The following NEDD4L variants were observed in gnomAD, a reference collection of about 807,000 sequenced individuals.
NEDD4L encodes the protein NEDD4 like E3 ubiquitin protein ligase.
A neutral mutation model predicts 148.9 loss-of-function variants in NEDD4L; 54 were observed. That is an observed-to-expected ratio of 0.36 (90% CI 0.29 to 0.45). The LOEUF (loss-of-function observed/expected upper bound fraction) is 0.45, where lower values mean the gene tolerates loss of function less well. Ranked by LOEUF, NEDD4L falls within the 20% of genes least tolerant of loss-of-function variation. The probability of loss-of-function intolerance (pLI) is 1.00; values close to 1 mark genes in which losing one functional copy is unlikely to be tolerated. For synonymous variants in NEDD4L, 433 were observed against 440.7 expected (o/e 0.98, Z 0.22); for missense variants, 856 against 1,233.8 (o/e 0.69, Z 4.59).
chr18:58,139,473 A>AGG (rs1218384393), intron 1 of NEDD4L, among the ~76,000 whole-genome samples: 49 of 152,312 alleles, frequency 3.2e-4, no homozygotes, highest in African/African-American at 1.0e-3. Flanking sequence ...GAATGTTGAT[A>AGG]ATCCTATCAA....
intron 5 of NEDD4L, among the ~76,000 whole-genome samples, chr18:58,290,305 T>C (rs2054539184): frequency 6.6e-6 from 1 of 152,260 alleles, no homozygotes; most frequent in African/African-American, 2.4e-5. Context: ...AAGTGCAACA[T>C]GTTTGTTGTA....
chr18:58,125,926 G>A (rs1005499658), intron 1 of NEDD4L, among the ~76,000 whole-genome samples: 1 of 152,230 alleles, frequency 6.6e-6, no homozygotes, highest in African/African-American at 2.4e-5. Flanking sequence ...CATGGACAGG[G>A]CAGGTCCCGC....
In NEDD4L at chr18:58,183,584, T is replaced by G. The variant is rs187886361; in HGVS notation, c.122+17723T>G. On this transcript the variant is annotated intron_variant, in intron 2 of 30. Coordinates refer to ENST00000400345, the MANE Select transcript of NEDD4L (RefSeq NM_001144967.3). The stretch of plus-strand genomic sequence containing the variant: ...CCTGCAGCACCCCCCTCCTTGGAGA[T>G]AGCTTTTCATGTTGCATCTTACCGA... Among the ~76,000 whole-genome samples, 10 of 152,296 alleles carry G rather than the reference T, an allele frequency of 6.6e-5. No homozygotes were observed. The East Asian group carries it at 1.9e-3, about 30-fold the overall frequency.
Position 58,365,960 on chromosome 18 carries a change from T to C in NEDD4L, c.1834-39T>C, listed in dbSNP as rs201939995. On this transcript the variant is annotated intron_variant, in intron 20 of 30. Coordinates refer to ENST00000400345, the MANE Select transcript of NEDD4L (RefSeq NM_001144967.3). ...TTTATTAGAAAACAAAGTGTGTATT[T>C]ACTGTATGATTATGTGTTTTCTTTT... 9 of 1,397,910 alleles carry C rather than the reference T, an allele frequency of 6.4e-6. No homozygotes were observed. In the Admixed American group the frequency reaches 1.9e-4, roughly 29 times the overall value. The allele number at this position is 1,397,910 out of a possible 1,614,324, so 86.6% of individuals were successfully genotyped here. A position where few individuals can be genotyped will look rare whatever the true frequency, so the allele number is the denominator to read the frequency against.
At chr18:58,196,638 A>C (rs554723063) in intron 2 of NEDD4L, among the ~76,000 whole-genome samples, 2 of 150,822 alleles carry the variant, frequency 1.3e-5, no homozygotes, top group Non-Finnish European at 2.9e-5. Context: ...TGTAGAAATT[A>C]ATCTGTCTTT....
intron 2 of NEDD4L, among the ~76,000 whole-genome samples, chr18:58,222,443 G>A (rs2043875628): frequency 6.6e-6 from 1 of 152,182 alleles, no homozygotes; most frequent in Non-Finnish European, 1.5e-5. Flanking sequence ...GAAAACAAAA[G>A]TCAAAGCCCA....
At chr18:58,312,169 C>T (rs2057775733) in intron 5 of NEDD4L, among the ~76,000 whole-genome samples, 1 of 152,180 alleles carries the variant, frequency 6.6e-6, no homozygotes, top group African/African-American at 2.4e-5. Context: ...TGTCATTTCA[C>T]AGGAAAAATA....
chr18:58,058,165 G>A (rs1229832909), intron 1 of NEDD4L, among the ~76,000 whole-genome samples: 1 of 152,160 alleles, frequency 6.6e-6, no homozygotes, highest in East Asian at 1.9e-4. Context: ...AATTAGCTGG[G>A]TGTGGTGGCA....
At chr18:58,191,542 G>C (rs967560944) in intron 2 of NEDD4L, among the ~76,000 whole-genome samples, 2 of 152,122 alleles carry the variant, frequency 1.3e-5, no homozygotes. Flanking sequence ...TGCTATAATA[G>C]GTAAATTGCT....
chr18:58,193,110 T>C (rs1017286974), intron 2 of NEDD4L, among the ~76,000 whole-genome samples: 2 of 152,190 alleles, frequency 1.3e-5, no homozygotes, highest in African/African-American at 4.8e-5. Context: ...GACTATTTCT[T>C]GATTTGAGTC....
chr18:58,133,076 G>A (rs2032378323), intron 1 of NEDD4L, among the ~76,000 whole-genome samples: 1 of 152,146 alleles, frequency 6.6e-6, no homozygotes, highest in Non-Finnish European at 1.5e-5. Flanking sequence ...TCTCTTACTT[G>A]CCTGGCATGT....
rs117032389 is a variant in NEDD4L, at chr18:58,190,798, T to A, written c.122+24937T>A. ...TTACCTTTTACCTCCATTATTTAAATCTGTCTTTTTCTGCCATCAAATAGA... is the reference window on the plus strand; with the variant it reads ...TTACCTTTTACCTCCATTATTTAAAACTGTCTTTTTCTGCCATCAAATAGA... On this transcript the variant is annotated intron_variant, in intron 2 of 30. Transcript: ENST00000400345. 4.2e-3 allele frequency among the ~76,000 whole-genome samples: 644 copies of A among 152,316 alleles called. 10 individuals are homozygous for A. The East Asian group carries it at 0.051, about 12-fold the overall frequency.
intron 2 of NEDD4L, among the ~76,000 whole-genome samples, chr18:58,238,795 T>C (rs1303312914): frequency 1.3e-5 from 2 of 152,208 alleles, no homozygotes; most frequent in Non-Finnish European, 1.5e-5. Flanking sequence ...CCAGAAAAGA[T>C]ATAATAATTA....
chr18:58,231,094 A>T (rs1347361278), intron 2 of NEDD4L, among the ~76,000 whole-genome samples: 1 of 150,810 alleles, frequency 6.6e-6, no homozygotes, highest in African/African-American at 2.5e-5. Context: ...ACAAAAATTA[A>T]AAAAAAATTA....
chr18:58,231,756 G>T (rs1271980838), intron 2 of NEDD4L, among the ~76,000 whole-genome samples: 3 of 151,922 alleles, frequency 2.0e-5, no homozygotes, highest in African/African-American at 7.3e-5. Flanking sequence ...TAGAGATGGG[G>T]CTTCACCATG....
At chr18:58,380,747 C>T (rs968495297) in intron 24 of NEDD4L, among the ~76,000 whole-genome samples, 4 of 152,158 alleles carry the variant, frequency 2.6e-5, no homozygotes, top group Admixed American at 6.5e-5. Flanking sequence ...TGACAGGCCC[C>T]GGTGTGTGAT....
chr18:58,395,253 G>A (rs549699048), intron 30 of NEDD4L, among the ~76,000 whole-genome samples: 1 of 152,130 alleles, frequency 6.6e-6, no homozygotes. Context: ...CACACACACA[G>A]AGGTGCAGGT....
chr18:58,256,521 G>A lies in NEDD4L; in HGVS notation c.297+4467G>A. The A allele has an allele frequency of 2.4e-6, 3 of 1,232,278 alleles. No homozygotes were observed. Among genetic ancestry groups the A allele is most frequent in the African/African-American group, 1.5e-5 (1 of 64,548 alleles). 76.3% of individuals were successfully genotyped at this position (1,232,278 alleles called of 1,614,324 possible). A position where few individuals can be genotyped will look rare whatever the true frequency, so the allele number is the denominator to read the frequency against. ...TACCCCACGCAGCCCCGAAGCGAGC[G>A]AGGGAGCCCCACGGAAGATCGGGGA... is the stretch of plus-strand genomic sequence containing the variant. On this transcript the variant is annotated intron_variant, in intron 5 of 30. Transcript: ENST00000400345. The surrounding 1 kb of genome is among the most constrained non-coding windows in gnomAD (Gnocchi z 5.2).
At chr18:58,383,765 A>G (rs1030358588) in intron 25 of NEDD4L, among the ~76,000 whole-genome samples, 1 of 152,248 alleles carries the variant, frequency 6.6e-6, no homozygotes, top group African/African-American at 2.4e-5. Flanking sequence ...AGAATTCAGC[A>G]TGTGCAACCC....
Sources: allele counts gnomAD v4.1 joint callset (sites outside exome capture counted in the v4.1 genomes callset), GRCh38; gene constraint gnomAD v4.1.1; non-coding constraint Gnocchi (gnomAD v3.1); transcripts MANE v1.5; gene names NCBI Gene and HGNC (gene_info 2026-07-23, HGNC 2026-07-21).